The following MREG variants were observed in gnomAD, a reference collection of about 807,000 sequenced individuals.
MREG encodes the protein melanoregulin, also known as dilute suppressor protein homolog.
Under a neutral mutation model 28.5 loss-of-function variants are expected in MREG, and 31 were observed. The observed-to-expected ratio is 1.09, with a 90% CI of 0.82 to 1.47. The LOEUF is 1.47. Among genes scored for constraint, MREG ranks in the 40% most tolerant of loss-of-function variants. MREG has a pLI of 0.00. For missense variants in MREG, 256 were observed against 257.4 expected, an observed-to-expected ratio of 0.99 and a Z score of 0.04; for synonymous variants, 106 against 95.2, an observed-to-expected ratio of 1.11 and a Z score of -0.66.
chr2:215,978,609 A>G (rs912227777), intron 2 of MREG, among the ~76,000 whole-genome samples: 3 of 152,248 alleles, frequency 2.0e-5, no homozygotes, highest in Non-Finnish European at 4.4e-5. Context: ...AATATCTCTG[A>G]TGAATATCGA....
chr2:216,031,369 T>C (rs930040739), intron 1 of MREG, among the ~76,000 whole-genome samples: 3 of 146,702 alleles, frequency 2.0e-5, no homozygotes, highest in African/African-American at 7.6e-5. Context: ...ATTGTACCAC[T>C]GCACTGCAGC....
chr2:216,020,025 G>GAAA (rs941242182), intron 1 of MREG, among the ~76,000 whole-genome samples: 1 of 150,608 alleles, frequency 6.6e-6, no homozygotes, highest in Non-Finnish European at 1.5e-5. Context: ...TCCCAGGGAG[G>GAAA]AAAAAAAAAC....
chr2:215,964,140 C>T (rs1255600716), intron 2 of MREG, among the ~76,000 whole-genome samples: 1 of 152,048 alleles, frequency 6.6e-6, no homozygotes, highest in Admixed American at 6.6e-5. Context: ...AAATGGCAAG[C>T]AATATACCAG....
At chr2:215,965,589 G>T (rs1692917978) in intron 2 of MREG, among the ~76,000 whole-genome samples, 1 of 152,196 alleles carries the variant, frequency 6.6e-6, no homozygotes, top group Non-Finnish European at 1.5e-5. Context: ...AAAGCTTCTT[G>T]TTGTAGTGGT....
intron 1 of MREG, among the ~76,000 whole-genome samples, chr2:216,029,856 C>T (rs765423124): frequency 3.9e-5 from 6 of 152,164 alleles, no homozygotes; most frequent in Non-Finnish European, 8.8e-5. Flanking sequence ...GAGTCTCATG[C>T]ATCATTTTAC....
At chr2:216,027,584 T>C (rs1456499119) in intron 1 of MREG, among the ~76,000 whole-genome samples, 1 of 152,152 alleles carries the variant, frequency 6.6e-6, no homozygotes, top group African/African-American at 2.4e-5. Flanking sequence ...TCCCAGCTAC[T>C]TGGGAGGTTG....
chr2:216,029,763 G>T (rs1222867037), intron 1 of MREG, among the ~76,000 whole-genome samples: 1 of 152,242 alleles, frequency 6.6e-6, no homozygotes, highest in Non-Finnish European at 1.5e-5. Flanking sequence ...TTCAGGCAAA[G>T]TTGCACAGCA....
chr2:216,028,259 T>C (rs547805927), intron 1 of MREG, among the ~76,000 whole-genome samples: 2 of 152,264 alleles, frequency 1.3e-5, no homozygotes, highest in East Asian at 3.9e-4. Flanking sequence ...CTCACGCCTG[T>C]AATCCCAGCA....
chr2:216,031,689 A>AAGAAAGAAAGAG (rs1559204146), intron 1 of MREG, among the ~76,000 whole-genome samples: 2 of 32,942 alleles, frequency 6.1e-5, no homozygotes, highest in African/African-American at 1.3e-4. Flanking sequence ...GAAAGAAAGA[A>AAGAAAGAAAGAG]AGAGAAAGAA....
Position 215,980,226 on chromosome 2 carries a change from C to T in MREG, c.255+16080G>A, listed in dbSNP as rs549763344. ...TCCTGGAGGGCCCCAACTTGTTGTC[C>T]ATCCTTCCTATTTCACTGAACTGTC... On this transcript the variant is annotated intron_variant, in intron 2 of 4. Coordinates refer to ENST00000263268, the MANE Select transcript of MREG (RefSeq NM_018000.3). Among the ~76,000 whole-genome samples the T allele has an allele frequency of 5.3e-5, 8 of 152,316 alleles. No individual in the cohort carries two copies. In the South Asian group the frequency reaches 1.7e-3, roughly 32 times the overall value.
chr2:215,982,129 T>A (rs1465088310), intron 2 of MREG, among the ~76,000 whole-genome samples: 2 of 152,146 alleles, frequency 1.3e-5, no homozygotes, highest in Non-Finnish European at 2.9e-5. Context: ...AAGACCAGCC[T>A]GACCAACACT....
intron 2 of MREG, among the ~76,000 whole-genome samples, chr2:215,977,365 C>A (rs1182122959): frequency 6.6e-6 from 1 of 152,182 alleles, no homozygotes; most frequent in South Asian, 2.1e-4. Context: ...TACAGGAGCA[C>A]CCAGATTCAT....
chr2:215,945,236 C>T (rs138751628), intron 4 of MREG, among the ~76,000 whole-genome samples: 606 of 152,286 alleles, frequency 4.0e-3, no homozygotes, highest in Middle Eastern at 0.014. Flanking sequence ...ATTTCTTAGT[C>T]TTATAGGTTA....
chr2:215,983,881 C>T (rs115092852), intron 2 of MREG, among the ~76,000 whole-genome samples: 3 of 152,246 alleles, frequency 2.0e-5, no homozygotes, highest in African/African-American at 4.8e-5. Flanking sequence ...AAAGGATAAG[C>T]GTAGAATTTC....
At chr2:215,947,400 G>A (rs1217357134) in intron 2 of MREG, among the ~76,000 whole-genome samples, 1 of 152,204 alleles carries the variant, frequency 6.6e-6, no homozygotes, top group Non-Finnish European at 1.5e-5. Flanking sequence ...CACCTGTAAA[G>A]TGGAGTTAAC....
intron 2 of MREG, among the ~76,000 whole-genome samples, chr2:215,952,466 GT>G (rs570246144): frequency 1.4e-4 from 21 of 152,126 alleles, no homozygotes; most frequent in Non-Finnish European, 2.5e-4. Context: ...ATTTTCACTT[GT>G]CAATTAAATA....
At chr2:215,963,517 TTAAA>T (rs948889594) in intron 2 of MREG, among the ~76,000 whole-genome samples, 2 of 151,002 alleles carry the variant, frequency 1.3e-5, no homozygotes, top group Non-Finnish European at 2.9e-5. Flanking sequence ...ATATAACTGA[TTAAA>T]TAAGACTATT....
At chr2:215,947,172 T>C (rs1231658921) in intron 2 of MREG, 59 bp from the exon 3 acceptor site, 7 of 1,038,944 alleles carry the variant, frequency 6.7e-6, no homozygotes, top group Non-Finnish European at 7.3e-6. Flanking sequence ...CTCTATCTCA[T>C]TCCCAAACTT....
intron 2 of MREG, among the ~76,000 whole-genome samples, chr2:215,987,134 G>A (rs1693593373): frequency 6.6e-6 from 1 of 152,088 alleles, no homozygotes; most frequent in South Asian, 2.1e-4. Flanking sequence ...ATATTAAAAT[G>A]GAAATATGTC....
Sources: allele counts gnomAD v4.1 joint callset (sites outside exome capture counted in the v4.1 genomes callset), GRCh38; gene constraint gnomAD v4.1.1; transcripts MANE v1.5; gene names NCBI Gene and HGNC (gene_info 2026-07-23, HGNC 2026-07-21).